PKP2: variants seen among roughly 807,000 people sequenced by gnomAD.
PKP2 encodes plakophilin-2.
In PKP2, 73 loss-of-function variants were observed where a neutral mutation model predicts 83.4. That is an observed-to-expected ratio of 0.88 (90% confidence interval 0.72 to 1.06). The LOEUF is 1.06. PKP2 is among the 50% of genes least tolerant of loss of function. The pLI, the probability that PKP2 is intolerant of heterozygous loss-of-function variation, is 0.00. For synonymous variants in PKP2, 409 were observed against 430.4 expected, an observed-to-expected ratio of 0.95 and a Z score of 0.62; for missense variants, 966 against 1,065.4, an observed-to-expected ratio of 0.91 and a Z score of 1.30.
chr12:32,793,402 T>C (rs1192367303), intron 11 of PKP2, among the ~76,000 whole-genome samples: 2 of 152,088 alleles, frequency 1.3e-5, no homozygotes, highest in Admixed American at 1.3e-4. Context: ...TAAAAATGCA[T>C]GAAACCATGA....
chr12:32,798,531 A>G (rs2137716587), intron 10 of PKP2, among the ~76,000 whole-genome samples: 1 of 152,068 alleles, frequency 6.6e-6, no homozygotes, highest in East Asian at 1.9e-4. Context: ...TGCCACTTTC[A>G]CAATTAGGCT....
intron 9 of PKP2, among the ~76,000 whole-genome samples, chr12:32,805,064 C>A (rs148415932): frequency 9.9e-5 from 15 of 151,888 alleles, no homozygotes; most frequent in South Asian, 4.2e-4. Context: ...TGATGTTGAG[C>A]TTTTTTTCAC....
intron 9 of PKP2, 97 bp downstream of exon 9, chr12:32,821,259 C>G: frequency 4.4e-6 from 5 of 1,141,146 alleles, no homozygotes; most frequent in African/African-American, 1.5e-5. Context: ...AATAAGAAAC[C>G]TTTTTCTCTT....
chr12:32,794,754 T>A (rs1344318147), intron 11 of PKP2, among the ~76,000 whole-genome samples: 3 of 152,256 alleles, frequency 2.0e-5, no homozygotes, highest in African/African-American at 7.2e-5. Flanking sequence ...ACTCTAATAC[T>A]ATCTGCCAGC....
chr12:32,857,838 A>G (rs1200833460), intron 4 of PKP2, among the ~76,000 whole-genome samples: 1 of 151,652 alleles, frequency 6.6e-6, no homozygotes, highest in East Asian at 1.9e-4. Context: ...AATTTAAGAG[A>G]TAGTAGAAAT....
intron 6 of PKP2, among the ~76,000 whole-genome samples, chr12:32,828,685 T>G (rs933705564): frequency 6.6e-6 from 1 of 152,148 alleles, no homozygotes; most frequent in Non-Finnish European, 1.5e-5. Flanking sequence ...TGTGCAGGGG[T>G]GCTGTCAAAT....
chr12:32,861,984 G>A lies in PKP2; in HGVS notation c.1170+6943C>T, dbSNP rs554556942. On this transcript the variant is annotated intron_variant, in intron 4 of 12. Coordinates refer to ENST00000340811, the MANE Select transcript of PKP2 (RefSeq NM_001005242.3). Reference sequence around the variant, plus strand: ...GTGATCTCAGCTTACTGCAACCTTCGCCTCCTGGGTTCAAGCAATTCTCCT... The same window carrying A: ...GTGATCTCAGCTTACTGCAACCTTCACCTCCTGGGTTCAAGCAATTCTCCT... 5.3e-5 allele frequency among the ~76,000 whole-genome samples: 8 copies of A among 152,136 alleles called. No homozygotes were observed. In the South Asian group the frequency reaches 1.0e-3, roughly 20 times the overall value.
At chr12:32,874,657 A>T (rs141377834) in intron 3 of PKP2, among the ~76,000 whole-genome samples, 38 of 152,340 alleles carry the variant, frequency 2.5e-4, no homozygotes, top group African/African-American at 8.9e-4. Context: ...TAATACTTCT[A>T]GAATTTGAGC....
At chr12:32,822,414 C>G (rs1956388817) in intron 8 of PKP2, 53 bp downstream of exon 8, 4 of 1,464,196 alleles carry the variant, frequency 2.7e-6, no homozygotes, top group Non-Finnish European at 3.8e-6. Context: ...CACAAACACA[C>G]ACTCTCTCTC....
At chr12:32,810,426 C>T (rs1428581284) in intron 9 of PKP2, among the ~76,000 whole-genome samples, 2 of 152,026 alleles carry the variant, frequency 1.3e-5, no homozygotes, top group African/African-American at 4.8e-5. Flanking sequence ...TACCAGTCGA[C>T]ATAGTTGTAG....
chr12:32,819,170 T>G (rs1041290077), intron 9 of PKP2, among the ~76,000 whole-genome samples: 31 of 151,534 alleles, frequency 2.0e-4, no homozygotes, highest in Non-Finnish European at 3.1e-4. Flanking sequence ...CCCAGCTACT[T>G]GGGAGGCTGA....
In PKP2 at chr12:32,870,787, A is replaced by G. The variant is rs76734487; in HGVS notation, c.1035-1725T>C. On this transcript the variant is annotated intron_variant, in intron 3 of 12. Transcript: ENST00000340811. ...TGTTATGCAGCTTTTTTTTTAAAAA[A>G]AGATTGAGCCATTAATCCATTTCAT... Among the ~76,000 whole-genome samples the G allele has an allele frequency of 7.0e-3, 1,059 of 152,192 alleles. 7 individuals are homozygous for G. The highest frequency in any genetic ancestry group is 0.024 in the African/African-American group (998 of 41,524).
intron 6 of PKP2, among the ~76,000 whole-genome samples, chr12:32,830,390 T>A (rs1009029916): frequency 1.3e-5 from 2 of 152,228 alleles, no homozygotes; most frequent in African/African-American, 4.8e-5. Flanking sequence ...GGCTTGTCTG[T>A]TATTCTGAAG....
At chr12:32,871,639 T>C (rs771069027) in intron 3 of PKP2, among the ~76,000 whole-genome samples, 7 of 152,246 alleles carry the variant, frequency 4.6e-5, no homozygotes, top group Middle Eastern at 6.8e-3. Context: ...CTAATTTTTC[T>C]ATTTGTAGTA....
intron 9 of PKP2, among the ~76,000 whole-genome samples, chr12:32,818,800 T>G (rs73301791): frequency 0.045 from 6,831 of 152,248 alleles, 202 homozygotes; most frequent in African/African-American, 0.079. Flanking sequence ...ACATGGCCAA[T>G]GGACTTGATA....
At chr12:32,834,976 C>CGTGTGTGTGTGTGTGTGTGTGTGT (rs10629969) in intron 6 of PKP2, among the ~76,000 whole-genome samples, 1 of 119,446 alleles carries the variant, frequency 8.4e-6, no homozygotes, top group African/African-American at 3.1e-5. Flanking sequence ...TCACAATAGG[C>CGTGTGTGTGTGTGTGTGTGTGTGT]GTGTGTGTGT....
intron 3 of PKP2, among the ~76,000 whole-genome samples, chr12:32,872,037 C>T (rs1246196146): frequency 6.6e-6 from 1 of 152,132 alleles, no homozygotes. Flanking sequence ...AGAAATGTGT[C>T]TTGGGAGATG....
intron 10 of PKP2, among the ~76,000 whole-genome samples, chr12:32,800,029 G>A (rs1438903092): frequency 6.6e-6 from 1 of 152,118 alleles, no homozygotes; most frequent in Non-Finnish European, 1.5e-5. Context: ...TTTTGTAATA[G>A]TTATTTTCAT....
intron 6 of PKP2, among the ~76,000 whole-genome samples, chr12:32,831,329 T>C (rs1956499531): frequency 6.6e-6 from 1 of 152,274 alleles, no homozygotes; most frequent in Middle Eastern, 3.4e-3. Context: ...TTTATAATAA[T>C]GAATAAAAAA....
Sources: gnomAD v4.1 joint callset for allele counts (sites outside exome capture counted in the v4.1 genomes callset) on GRCh38, gnomAD v4.1.1 for gene constraint, MANE v1.5 for transcripts, NCBI Gene and HGNC (gene_info 2026-07-23, HGNC 2026-07-21) for gene names.